The following ZNF534 variants were observed in gnomAD, a reference collection of about 807,000 sequenced individuals.
ZNF534 encodes the protein KRAB domain only 3.
Under a neutral mutation model 13.6 loss-of-function variants are expected in ZNF534, and 19 were observed. The ratio of observed to expected loss-of-function variants is 1.40; its 90% confidence interval spans 0.97 to 2.05. The LOEUF (loss-of-function observed/expected upper bound fraction) is 2.05. ZNF534 is among the 30% of genes most tolerant of loss of function. The pLI is 0.00. For synonymous variants in ZNF534, 244 were observed against 273.8 expected, an observed-to-expected ratio of 0.89 and a Z score of 1.07; for missense variants, 782 against 796.3, an observed-to-expected ratio of 0.98 and a Z score of 0.22.
In ZNF534 at chr19:52,442,026, C is replaced by T; in HGVS notation, c.*2580C>T. ...GTATGTGGCACAGGCTTTCCTGAGG[C>T]CTGCCAAATCACTAGAAATCAAAAT... On this transcript the variant is annotated 3_prime_UTR_variant, in exon 5 of 5. Transcript: ENST00000433050. Among the ~76,000 whole-genome samples the T allele has an allele frequency of 7.1e-6, 1 of 141,746 alleles. No homozygotes were observed. The highest frequency in any genetic ancestry group is 2.0e-4 in the East Asian group (1 of 4,968). 93.0% of individuals were successfully genotyped at this position (141,746 alleles called of 152,430 possible).
rs532215631 is a variant in ZNF534, at chr19:52,440,831, T to C, written c.*1385T>C. ...AAGGAAGCGTTACAAATGTAATGAA[T>C]GCGGCAGAGCATTGAGAAGGTGTTC... On this transcript the variant is annotated 3_prime_UTR_variant, in exon 5 of 5. Transcript: ENST00000433050. 6.6e-6 allele frequency among the ~76,000 whole-genome samples: 1 copy of C among 151,216 alleles called. No individual in the cohort carries two copies. The highest frequency in any genetic ancestry group is 6.6e-5 in the Admixed American group (1 of 15,186).
chr19:52,444,625 G>A (rs1197460448), downstream of ZNF534, among the ~76,000 whole-genome samples: 1 of 151,958 alleles, frequency 6.6e-6, no homozygotes, highest in Non-Finnish European at 1.5e-5. Flanking sequence ...TCAGTTGGGG[G>A]CAGGGCTAGG....
In ZNF534 at chr19:52,442,319, G is replaced by A. The variant is rs191039221; in HGVS notation, c.*2873G>A. 1.0e-3 allele frequency among the ~76,000 whole-genome samples: 156 copies of A among 152,320 alleles called. 2 individuals carry two copies. In the South Asian group the frequency reaches 0.014, roughly 14 times the overall value. On this transcript the variant is annotated 3_prime_UTR_variant, in exon 5 of 5. Coordinates refer to ENST00000433050, the MANE Select transcript of ZNF534 (RefSeq NM_001143938.3). ...CCAGGGCAGAAAAACCGCTTAAGGC[G>A]TTCCAGAACCACAAATAATAGCATG...
chr19:52,446,498 C>T (rs1332578274), downstream of ZNF534, among the ~76,000 whole-genome samples: 1 of 151,950 alleles, frequency 6.6e-6, no homozygotes, highest in East Asian at 1.9e-4. Flanking sequence ...TTTCTACATA[C>T]ATCATTTTAT....
rs147625881 is a variant in ZNF534 at position 52,440,944 on chromosome 19, C to G, written c.*1498C>G. Among the ~76,000 whole-genome samples the G allele has an allele frequency of 6.6e-6, 1 of 151,638 alleles. No homozygotes were observed. The highest frequency in any genetic ancestry group is 1.5e-5 in the Non-Finnish European group (1 of 67,928). The stretch of plus-strand genomic sequence containing the variant: ...GAAACAAGAGTCTCGCTCTGATGCC[C>G]AGGCTGGAGTGCAGTGGTGTAATCT... On this transcript the variant is annotated 3_prime_UTR_variant, in exon 5 of 5. Coordinates refer to ENST00000433050, the MANE Select transcript of ZNF534 (RefSeq NM_001143938.3).
chr19:52,443,135 A>C (rs187125671), downstream of ZNF534, among the ~76,000 whole-genome samples: 26 of 152,318 alleles, frequency 1.7e-4, no homozygotes, highest in Non-Finnish European at 3.5e-4. Flanking sequence ...CAGTAGTCTT[A>C]TTTTTGAAAT....
Position 52,431,427 on chromosome 19 carries a change from ATAT to A in ZNF534, c.-44_-42del. On this transcript the variant is annotated 5_prime_UTR_variant, in exon 2 of 5. It adds an upstream start codon to the 5' untranslated region. Transcript: ENST00000433050. ...TACTAGGATTCACTTTCAAAGAGAC[ATAT>A]TATGCAAGGAAGCAACTCGGAAGAG... The A allele has an allele frequency of 5.0e-6, 8 of 1,613,052 alleles. No homozygotes were observed. The highest frequency in any genetic ancestry group is 6.8e-6 in the Non-Finnish European group (8 of 1,179,124).
At position 52,440,913 on chromosome 19, in the gene ZNF534, T is replaced by C. The variant is rs13343571; in HGVS notation, c.*1467T>C. ...TGGAGATAAGTCTTTTTTTTTTTTT[T>C]CCCCCGAAACAAGAGTCTCGCTCTG... On this transcript the variant is annotated 3_prime_UTR_variant, in exon 5 of 5. Transcript: ENST00000433050. 5.9e-3 allele frequency among the ~76,000 whole-genome samples: 896 copies of C among 150,902 alleles called. 8 individuals carry two copies. The highest frequency in any genetic ancestry group is 6.8e-3 in the Non-Finnish European group (462 of 67,768).
chr19:52,437,081 G>A (rs909891051), intron 4 of ZNF534, among the ~76,000 whole-genome samples: 1 of 152,084 alleles, frequency 6.6e-6, no homozygotes, highest in Admixed American at 6.6e-5. Context: ...TTTCTGGGAT[G>A]TATCTTTCCT....
intron 3 of ZNF534, among the ~76,000 whole-genome samples, chr19:52,434,749 AG>A (rs2059117789): frequency 6.6e-6 from 1 of 151,592 alleles, no homozygotes; most frequent in Non-Finnish European, 1.5e-5. Context: ...AAAAAAAGAA[AG>A]AAATGTCCCC....
chr19:52,433,424 T>G lies in ZNF534; in HGVS notation c.16-531T>G, dbSNP rs369546852. On this transcript the variant is annotated intron_variant, in intron 2 of 4. Transcript: ENST00000433050. ...CTCTGTCACCCAGGCTGGAGTGCAG[T>G]GGCGCAATCTCAGCTCACTGCAATG... Among the ~76,000 whole-genome samples the G allele has an allele frequency of 2.0e-5, 3 of 151,812 alleles. No individual in the cohort carries two copies. The East Asian group carries it at 5.8e-4, about 29-fold the overall frequency.
chr19:52,451,434 G>A (rs550719142), exon 5 of ZNF534: 5 of 656,368 alleles, frequency 7.6e-6, no homozygotes, highest in African/African-American at 1.9e-5. Flanking sequence ...CGCGCAGTGC[G>A]GCGCCGCACG....
Position 52,438,347 on chromosome 19 carries a change from A to G in ZNF534, c.887A>G (p.Lys296Arg). The G allele has an allele frequency of 6.2e-7, 1 of 1,613,396 alleles. No homozygotes were observed. The highest frequency in any genetic ancestry group is 8.5e-7 in the Non-Finnish European group (1 of 1,179,438). The change falls in exon 5 of 5, where the codon AAG (lysine) becomes AGG (arginine). Residue 296 changes from lysine to arginine, a missense_variant. This residue lies in a region of ZNF534 where 591 missense variants were observed against 574.0 expected (regional missense o/e 1.03). Coordinates refer to ENST00000433050, the MANE Select transcript of ZNF534 (RefSeq NM_001143938.3). ...CATAGGAAAATTCATACTGGAGAGA[A>G]GCCTTACAAATGTAGTGAATGTGGC... ...AQHRKIHTGE[K>R]PYKCSECGKA...
rs772727793 is a variant in ZNF534, at chr19:52,439,486, G to T, written c.*40G>T. Reference sequence around the variant, plus strand: ...TGGCAGGGCGCAGTGGCTCACGTCTGTAATCCCAGCACTTTGGGAGTCCGA... The same window carrying T: ...TGGCAGGGCGCAGTGGCTCACGTCTTTAATCCCAGCACTTTGGGAGTCCGA... On this transcript the variant is annotated 3_prime_UTR_variant, in exon 5 of 5. Transcript: ENST00000433050. 4.7e-6 allele frequency: 7 copies of T among 1,476,084 alleles called. No individual in the cohort carries two copies. The highest frequency in any genetic ancestry group is 6.3e-6 in the Non-Finnish European group (7 of 1,112,362). 91.4% of individuals were successfully genotyped at this position (1,476,084 alleles called of 1,614,324 possible). A position where few individuals can be genotyped will look rare whatever the true frequency, so the allele number is the denominator to read the frequency against.
rs983519024 is a variant in ZNF534, at chr19:52,439,976, G to T, written c.*530G>T. Reference sequence around the variant, plus strand: ...CCAGCTACTCAGGAGGCTGAGGCAGGAGAATTGCTTGAACCTGGGAGGCAG... The same window carrying T: ...CCAGCTACTCAGGAGGCTGAGGCAGTAGAATTGCTTGAACCTGGGAGGCAG... On this transcript the variant is annotated 3_prime_UTR_variant, in exon 5 of 5. Coordinates refer to ENST00000433050, the MANE Select transcript of ZNF534 (RefSeq NM_001143938.3). 5.3e-5 allele frequency among the ~76,000 whole-genome samples: 8 copies of T among 152,130 alleles called. No homozygotes were observed. Among genetic ancestry groups the T allele is most frequent in the African/African-American group, 1.4e-4 (6 of 41,414 alleles).
rs1192191193 is a variant in ZNF534, at chr19:52,450,693, TTTTG to T, written c.272-490_272-487del. 3.4e-3 allele frequency among the ~76,000 whole-genome samples: 117 copies of T among 34,676 alleles called. 22 individuals are homozygous for T. The highest frequency in any genetic ancestry group is 5.2e-3 in the African/African-American group (70 of 13,586). The allele number at this position is 34,676 out of a possible 152,430, so 22.7% of individuals were successfully genotyped here. A position where few individuals can be genotyped will look rare whatever the true frequency, so the allele number is the denominator to read the frequency against. ...GAGTTTTTTTTTTTTTTGTTTTTGT[TTTTG>T]TTTTTTTTTTTTAGACAAGGTCTCT... On this transcript the variant is annotated intron_variant, in intron 4 of 4. Coordinates refer to the ZNF534 transcript ENST00000301085.
chr19:52,437,809 C>T lies in ZNF534; in HGVS notation c.349C>T (p.Leu117=). ...NQHGLTLQLH[L]TEWQPFQAVR... is the part of the protein sequence containing the mutation. ...ACATGGATTAACTCTTCAGTTACAT[C>T]TGACTGAATGGCAGCCATTTCAAGC... The change falls in exon 5 of 5, where the codon CTG becomes TTG. Residue 117 remains leucine, a synonymous_variant. Transcript: ENST00000433050. 1 of 1,613,016 alleles carries T rather than the reference C, an allele frequency of 6.2e-7. No individual in the cohort carries two copies. The highest frequency in any genetic ancestry group is 1.1e-5 in the South Asian group (1 of 90,880).
At chr19:52,436,601 A>G (rs1416415829) in intron 4 of ZNF534, among the ~76,000 whole-genome samples, 2 of 152,160 alleles carry the variant, frequency 1.3e-5, no homozygotes, top group East Asian at 1.9e-4. Context: ...TAGTCTCTCA[A>G]AAATGTATTA....
At chr19:52,447,206 C>T (rs1305327555), downstream of ZNF534, among the ~76,000 whole-genome samples, 2 of 152,170 alleles carry the variant, frequency 1.3e-5, no homozygotes, top group African/African-American at 4.8e-5. Context: ...AACTAGATGA[C>T]ATTTGTGAAC....
Sources: allele counts gnomAD v4.1 joint callset (sites outside exome capture counted in the v4.1 genomes callset), GRCh38; gene constraint gnomAD v4.1.1; regional missense constraint gnomAD v4.1.1; transcripts MANE v1.5; gene names NCBI Gene and HGNC (gene_info 2026-07-23, HGNC 2026-07-21).